DCDC2C: variants seen among roughly 807,000 people sequenced by gnomAD.
DCDC2C encodes the protein doublecortin domain containing 2C.
Under a neutral mutation model 45.0 loss-of-function variants are expected in DCDC2C, and 44 were observed. The observed-to-expected ratio is 0.98, with a 90% CI of 0.77 to 1.26. DCDC2C has a LOEUF of 1.26. Ranked by LOEUF, DCDC2C falls within the 50% of genes most tolerant of loss-of-function variation. The pLI is 0.00. For synonymous variants in DCDC2C, 187 were observed against 178.8 expected (o/e 1.05, Z -0.37); for missense variants, 447 against 468.9 (o/e 0.95, Z 0.43).
chr2:3,707,385 A>C (rs1446591284), intron 1 of DCDC2C, among the ~76,000 whole-genome samples: 1 of 152,216 alleles, frequency 6.6e-6, no homozygotes, highest in African/African-American at 2.4e-5. Flanking sequence ...AATTTAGAAC[A>C]AATTTAAAAT....
At chr2:3,738,043 A>T (rs376553415) in intron 3 of DCDC2C, among the ~76,000 whole-genome samples, 1 of 152,204 alleles carries the variant, frequency 6.6e-6, no homozygotes, top group South Asian at 2.1e-4. Flanking sequence ...AGAGATATAC[A>T]TTTAAAGTAA....
At chr2:3,709,077 C>A (rs1222272405) in intron 2 of DCDC2C, among the ~76,000 whole-genome samples, 3 of 152,100 alleles carry the variant, frequency 2.0e-5, no homozygotes, top group Non-Finnish European at 2.9e-5. Context: ...GTAAAAATAA[C>A]CATTTAATTT....
intron 2 of DCDC2C, among the ~76,000 whole-genome samples, chr2:3,718,336 G>A (rs1353426549): frequency 6.6e-6 from 1 of 152,184 alleles, no homozygotes; most frequent in Non-Finnish European, 1.5e-5. Flanking sequence ...TCCACAAACC[G>A]TCTGGCTGTC....
At chr2:3,713,049 G>A (rs766573305) in intron 2 of DCDC2C, among the ~76,000 whole-genome samples, 47 of 152,186 alleles carry the variant, frequency 3.1e-4, no homozygotes, top group Non-Finnish European at 5.7e-4. Flanking sequence ...AGCACCATCT[G>A]CTGTTGGGTG....
intron 9 of DCDC2C, among the ~76,000 whole-genome samples, chr2:3,782,297 CAATCAA>C (rs918273881): frequency 1.3e-5 from 2 of 152,142 alleles, no homozygotes; most frequent in African/African-American, 4.8e-5. Context: ...GAAGTGGGAG[CAATCAA>C]AATCAAAAGC....
chr2:3,723,690 A>G (rs1365150353), intron 2 of DCDC2C, among the ~76,000 whole-genome samples: 2 of 152,114 alleles, frequency 1.3e-5, no homozygotes, highest in Non-Finnish European at 2.9e-5. Flanking sequence ...GTCTCGGGGC[A>G]GGGGAGAGAT....
chr2:3,823,685 T>G (rs1671746685), intron 10 of DCDC2C, among the ~76,000 whole-genome samples: 1 of 152,080 alleles, frequency 6.6e-6, no homozygotes, highest in African/African-American at 2.4e-5. Context: ...GTGTTGATAG[T>G]TTTTTTTCTT....
intron 10 of DCDC2C, among the ~76,000 whole-genome samples, chr2:3,833,910 C>T (rs908704313): frequency 6.6e-6 from 1 of 152,168 alleles, no homozygotes; most frequent in East Asian, 1.9e-4. Flanking sequence ...GCAGTCTTCT[C>T]TATCTTTTCA....
intron 10 of DCDC2C, among the ~76,000 whole-genome samples, chr2:3,819,525 T>G (rs1413316027): frequency 6.6e-6 from 1 of 152,228 alleles, no homozygotes; most frequent in African/African-American, 2.4e-5. Flanking sequence ...TGAGGTTAAT[T>G]AACTCCCGTT....
chr2:3,778,451 G>T (rs941966283), intron 8 of DCDC2C, among the ~76,000 whole-genome samples: 2 of 152,214 alleles, frequency 1.3e-5, no homozygotes, highest in African/African-American at 4.8e-5. Context: ...GCTATGTGAG[G>T]AGTGAGGGCA....
At chr2:3,750,124 T>G (rs1196317358) in intron 4 of DCDC2C, among the ~76,000 whole-genome samples, 1 of 151,672 alleles carries the variant, frequency 6.6e-6, no homozygotes, top group Non-Finnish European at 1.5e-5. Flanking sequence ...ACCTTCTCCC[T>G]CATCTGCCAG....
At chr2:3,754,503 C>A in intron 5 of DCDC2C, 89 bp from the exon 6 acceptor site, 1 of 1,343,996 alleles carries the variant, frequency 7.4e-7, no homozygotes, top group South Asian at 1.4e-5. Flanking sequence ...GGTCACTTCC[C>A]TCCTAAAGAC....
At chr2:3,746,867 C>T (rs777470498) in intron 4 of DCDC2C, among the ~76,000 whole-genome samples, 4 of 152,064 alleles carry the variant, frequency 2.6e-5, no homozygotes, top group Admixed American at 1.3e-4. Flanking sequence ...ATAGAGGTGG[C>T]GGATCTGTCC....
chr2:3,812,923 A>G (rs1017693207), intron 10 of DCDC2C, among the ~76,000 whole-genome samples: 1 of 151,682 alleles, frequency 6.6e-6, no homozygotes, highest in Non-Finnish European at 1.5e-5. Context: ...TTCTAATTTG[A>G]TTGCACTGTA....
intron 2 of DCDC2C, among the ~76,000 whole-genome samples, chr2:3,713,384 T>C (rs1278379577): frequency 2.6e-5 from 4 of 152,094 alleles, no homozygotes; most frequent in African/African-American, 9.7e-5. Flanking sequence ...CCATGATCCA[T>C]GCGAGGGGCT....
chr2:3,770,004 G>C (rs1670120793), intron 8 of DCDC2C, among the ~76,000 whole-genome samples: 1 of 152,166 alleles, frequency 6.6e-6, no homozygotes, highest in African/African-American at 2.4e-5. Context: ...GTGGGGAGCA[G>C]GGTTCTGAGA....
At chr2:3,827,346 G>A (rs1671848135) in intron 10 of DCDC2C, among the ~76,000 whole-genome samples, 1 of 152,076 alleles carries the variant, frequency 6.6e-6, no homozygotes, top group Non-Finnish European at 1.5e-5. Flanking sequence ...TGGTGTGTTG[G>A]AAGCAGCAGC....
At chr2:3,742,665 T>C (rs186910465) in intron 4 of DCDC2C, among the ~76,000 whole-genome samples, 1 of 152,228 alleles carries the variant, frequency 6.6e-6, no homozygotes, top group Non-Finnish European at 1.5e-5. Flanking sequence ...TCCTCATATA[T>C]GTAAAGTGCT....
intron 2 of DCDC2C, among the ~76,000 whole-genome samples, chr2:3,716,338 G>A (rs73140873): frequency 0.03 from 4,568 of 152,190 alleles, 230 homozygotes; most frequent in African/African-American, 0.11. Context: ...GACAGGGTGG[G>A]CCATCTGTGT....
Sources: allele counts gnomAD v4.1 joint callset (sites outside exome capture counted in the v4.1 genomes callset), GRCh38; gene constraint gnomAD v4.1.1; transcripts MANE v1.5; gene names NCBI Gene and HGNC (gene_info 2026-07-23, HGNC 2026-07-21).